Variants in PTPRD observed in about 807,000 individuals in gnomAD.
The protein encoded by PTPRD is receptor-type tyrosine-protein phosphatase delta.
PTPRD carries 34 observed loss-of-function variants against 214.5 expected under a neutral mutation model. The ratio of observed to expected loss-of-function variants is 0.16; its 90% CI spans 0.12 to 0.21. The LOEUF is 0.21. Among genes scored for constraint, PTPRD ranks in the 10% least tolerant of loss-of-function variants. The probability of loss-of-function intolerance (pLI) is 1.00; values close to 1 mark genes in which losing one functional copy is unlikely to be tolerated. For synonymous variants in PTPRD, 1,128 were observed against 845.7 expected (o/e 1.33, Z -5.79); for missense variants, 2,545 against 2,398.7 (o/e 1.06, Z -1.27).
chr9:10,032,602 G>A (rs1025909463), intron 4 of PTPRD, among the ~76,000 whole-genome samples: 1 of 152,114 alleles, frequency 6.6e-6, no homozygotes, highest in African/African-American at 2.4e-5. Flanking sequence ...TTACTTGTAT[G>A]TATAAATGTA....
chr9:8,325,775 C>T (rs1471653957), intron 44 of PTPRD, among the ~76,000 whole-genome samples: 5 of 149,328 alleles, frequency 3.3e-5, no homozygotes, highest in African/African-American at 1.3e-4. Flanking sequence ...GTTTGTAGTT[C>T]TCCTTGAAGA....
At chr9:9,151,287 G>C (rs1216280326) in intron 10 of PTPRD, among the ~76,000 whole-genome samples, 1 of 152,142 alleles carries the variant, frequency 6.6e-6, no homozygotes, top group Non-Finnish European at 1.5e-5. Flanking sequence ...GCCAGACTTA[G>C]CAAATCAAAA....
At chr9:9,680,327 A>G (rs2097039327) in intron 7 of PTPRD, among the ~76,000 whole-genome samples, 1 of 151,884 alleles carries the variant, frequency 6.6e-6, no homozygotes, top group Non-Finnish European at 1.5e-5. Flanking sequence ...ATTTAAATAT[A>G]TTGCTTTGGA....
intron 7 of PTPRD, among the ~76,000 whole-genome samples, chr9:9,696,322 G>A (rs999933657): frequency 6.6e-6 from 1 of 152,100 alleles, no homozygotes; most frequent in African/African-American, 2.4e-5. Flanking sequence ...GGCCCATTTG[G>A]TCTAGTGTTT....
chr9:9,982,475 GGTGT>G (rs201055413), intron 4 of PTPRD, among the ~76,000 whole-genome samples: 208 of 46,784 alleles, frequency 4.4e-3, no homozygotes, highest in South Asian at 0.017. Flanking sequence ...TGGTGGTGGT[GGTGT>G]GTGTGTGTGT....
intron 5 of PTPRD, among the ~76,000 whole-genome samples, chr9:9,870,443 G>T (rs77338938): frequency 0.058 from 8,864 of 151,856 alleles, 807 homozygotes; most frequent in African/African-American, 0.2. Flanking sequence ...CACAGAAAAT[G>T]TAAAATAAAT....
At chr9:9,955,541 T>TTTTTA in intron 4 of PTPRD, among the ~76,000 whole-genome samples, 1 of 150,272 alleles carries the variant, frequency 6.7e-6, no homozygotes, top group African/African-American at 2.5e-5. Flanking sequence ...TTTTTTTTTT[T>TTTTTA]GAGACAGAGT....
At chr9:8,484,095 G>T (rs1226221456) in intron 30 of PTPRD, 24 bp downstream of exon 30, 1 of 1,606,784 alleles carries the variant, frequency 6.2e-7, no homozygotes, top group Non-Finnish European at 8.5e-7. Flanking sequence ...CTTTCCTTCA[G>T]CCCTAAGCCT....
intron 11 of PTPRD, among the ~76,000 whole-genome samples, chr9:8,738,888 A>G (rs4740960): frequency 0.036 from 5,549 of 152,282 alleles, 148 homozygotes; most frequent in African/African-American, 0.078. Context: ...GACATCTCAG[A>G]AGCAATATCA....
At chr9:9,700,232 G>A (rs1432743657) in intron 7 of PTPRD, among the ~76,000 whole-genome samples, 2 of 151,872 alleles carry the variant, frequency 1.3e-5, no homozygotes. Context: ...ACATAAAAGT[G>A]GAATTATTTT....
chr9:9,045,116 C>T (rs1200925489), intron 10 of PTPRD, among the ~76,000 whole-genome samples: 2 of 152,082 alleles, frequency 1.3e-5, no homozygotes, highest in Non-Finnish European at 2.9e-5. Context: ...TGTTATGGTT[C>T]AAATTAGGAG....
intron 2 of PTPRD, among the ~76,000 whole-genome samples, chr9:10,466,344 C>T (rs1588825464): frequency 6.6e-6 from 1 of 152,120 alleles, no homozygotes; most frequent in East Asian, 1.9e-4. Flanking sequence ...AAATTTTATG[C>T]CGGGTGCGGT....
At chr9:10,104,482 T>A (rs2098604232) in intron 3 of PTPRD, among the ~76,000 whole-genome samples, 1 of 151,714 alleles carries the variant, frequency 6.6e-6, no homozygotes, top group African/African-American at 2.4e-5. Flanking sequence ...ATCTGGTATA[T>A]GACAAGTTAA....
intron 7 of PTPRD, among the ~76,000 whole-genome samples, chr9:9,594,912 A>G (rs925263925): frequency 1.3e-5 from 2 of 152,068 alleles, no homozygotes; most frequent in Non-Finnish European, 2.9e-5. Flanking sequence ...AATCCCTTCA[A>G]AAAGTGGGCT....
intron 7 of PTPRD, among the ~76,000 whole-genome samples, chr9:9,598,221 T>C (rs1310099305): frequency 1.3e-5 from 2 of 151,978 alleles, no homozygotes; most frequent in African/African-American, 4.8e-5. Context: ...TAGCCCTCCT[T>C]CCTCAAGGTG....
chr9:10,323,674 A>G (rs753246681), intron 3 of PTPRD, among the ~76,000 whole-genome samples: 1 of 151,882 alleles, frequency 6.6e-6, no homozygotes, highest in African/African-American at 2.4e-5. Context: ...TTGATAATAA[A>G]TGTCATCTGT....
intron 21 of PTPRD, among the ~76,000 whole-genome samples, chr9:8,509,963 G>C (rs532822247): frequency 1.0e-3 from 154 of 152,176 alleles, no homozygotes; most frequent in Non-Finnish European, 1.3e-3. Context: ...ATGGTTCGGA[G>C]GTTAACTTCA....
intron 9 of PTPRD, among the ~76,000 whole-genome samples, chr9:9,381,471 T>C (rs1005493432): frequency 2.0e-5 from 3 of 150,974 alleles, no homozygotes; most frequent in Non-Finnish European, 4.4e-5. Context: ...AGTAATCTTC[T>C]CACTATGGCC....
intron 2 of PTPRD, among the ~76,000 whole-genome samples, chr9:10,398,785 G>A (rs1186531855): frequency 6.6e-6 from 1 of 151,900 alleles, no homozygotes; most frequent in Non-Finnish European, 1.5e-5. Context: ...TTTTCAAAGT[G>A]CTATCATATA....
Sources: gnomAD v4.1 joint callset for allele counts (sites outside exome capture counted in the v4.1 genomes callset) on GRCh38, gnomAD v4.1.1 for gene constraint, MANE v1.5 for transcripts, NCBI Gene and HGNC (gene_info 2026-07-23, HGNC 2026-07-21) for gene names.